The following SORBS2 variants were observed in gnomAD, a reference collection of about 807,000 sequenced individuals.
SORBS2 encodes the protein sorbin and SH3 domain-containing protein 2.
SORBS2 carries 46 observed loss-of-function variants against 97.7 expected under a neutral mutation model. The observed-to-expected ratio is 0.47, with a 90% CI of 0.37 to 0.60. The LOEUF (loss-of-function observed/expected upper bound fraction) is 0.60, where lower values mean the gene tolerates loss of function less well. Ranked by LOEUF, SORBS2 falls within the 20% of genes least tolerant of loss-of-function variation. SORBS2 has a pLI of 0.00. For synonymous variants in SORBS2, 476 were observed against 473.4 expected (o/e 1.01, Z -0.07); for missense variants, 1,316 against 1,282.3 (o/e 1.03, Z -0.40).
chr4:185,667,585 T>C (rs6813020), intron 4 of SORBS2, among the ~76,000 whole-genome samples: 139,765 of 151,336 alleles, frequency 0.92, 64,986 homozygotes, highest in Non-Finnish European at 0.98. Flanking sequence ...CTTAATCTAA[T>C]GGGTTAAGAA....
intron 1 of SORBS2, among the ~76,000 whole-genome samples, chr4:185,942,041 A>C (rs2099272263): frequency 6.6e-6 from 1 of 152,058 alleles, no homozygotes; most frequent in South Asian, 2.1e-4. Flanking sequence ...ACTTGAACCC[A>C]GGAGGCAGAG....
At chr4:185,646,884 T>A (rs1056931976) in intron 3 of SORBS2, 102 bp from the exon 13 acceptor site, 26 of 687,274 alleles carry the variant, frequency 3.8e-5, no homozygotes, top group East Asian at 5.4e-5. Flanking sequence ...AGCATAGTTT[T>A]AAAAAAAATC....
At chr4:185,643,569 C>A (rs1339313324) in intron 4 of SORBS2, among the ~76,000 whole-genome samples, 3 of 152,150 alleles carry the variant, frequency 2.0e-5, no homozygotes, top group African/African-American at 7.2e-5. Flanking sequence ...AATCAGGTGG[C>A]TGTCACTGTA....
At chr4:185,637,956 G>A (rs1339025579) in intron 4 of SORBS2, 123 bp downstream of exon 15, 4 of 694,374 alleles carry the variant, frequency 5.8e-6, no homozygotes, top group African/African-American at 3.5e-5. Flanking sequence ...TACCAAGTGT[G>A]TGTATACATT....
chr4:185,921,635 G>C (rs13140248), intron 1 of SORBS2, among the ~76,000 whole-genome samples: 1 of 151,938 alleles, frequency 6.6e-6, no homozygotes, highest in Non-Finnish European at 1.5e-5. Flanking sequence ...GAAGTAGAAA[G>C]TATATTTCTG....
At chr4:185,638,934 C>A (rs954237870) in intron 4 of SORBS2, 3 of 1,503,964 alleles carry the variant, frequency 2.0e-6, no homozygotes, top group East Asian at 2.8e-5. Flanking sequence ...CACTCCGGGG[C>A]GGAGGGGAGG....
intron 5 of SORBS2, among the ~76,000 whole-genome samples, chr4:185,628,812 C>A (rs182970251): frequency 2.0e-4 from 30 of 152,322 alleles, no homozygotes; most frequent in African/African-American, 5.5e-4. Context: ...AAGATTCCTT[C>A]CCCTCAGTTG....
At chr4:185,868,150 TTTTTC>T (rs2099228145) in intron 1 of SORBS2, among the ~76,000 whole-genome samples, 2 of 75,514 alleles carry the variant, frequency 2.6e-5, no homozygotes. Flanking sequence ...TTCTTTTCTT[TTTTTC>T]TTTCTTTTTT....
At chr4:185,670,277 G>T (rs1438971648) in intron 4 of SORBS2, among the ~76,000 whole-genome samples, 2 of 152,102 alleles carry the variant, frequency 1.3e-5, no homozygotes, top group African/African-American at 4.8e-5. Flanking sequence ...TTAAAATAAT[G>T]TGTGAGTGTT....
In SORBS2 at chr4:185,828,044, C is replaced by T. The variant is rs1217706456; in HGVS notation, c.-337-52678G>A. On this transcript the variant is annotated intron_variant, in intron 1 of 20. Transcript: ENST00000284776. ...CATCATCATCTCATCACCATCATCA[C>T]CATCATCATCCTCTGCATTAGGTTT... Among the ~76,000 whole-genome samples, 15 of 150,726 alleles carry T rather than the reference C, an allele frequency of 1.0e-4. No individual in the cohort carries two copies. In the Admixed American group the frequency reaches 1.0e-3, roughly 10 times the overall value.
Position 185,674,937 on chromosome 4 carries a change from C to G in SORBS2, c.-46+3486G>C, listed in dbSNP as rs902045289. ...AATCTTCTAATATATGTAATTTACT[C>G]CAGTTCTTATTAATGCTTGCTCCTC... On this transcript the variant is annotated intron_variant, in intron 4 of 20. Transcript: ENST00000284776. 7.2e-5 allele frequency among the ~76,000 whole-genome samples: 11 copies of G among 152,138 alleles called. 1 individual carries two copies. Among genetic ancestry groups the G allele is most frequent in the Admixed American group, 3.3e-4 (5 of 15,280 alleles).
intron 2 of SORBS2, 76 bp from the exon 11 acceptor site, chr4:185,651,904 A>C (rs1268218606): frequency 3.9e-6 from 3 of 765,124 alleles, no homozygotes; most frequent in Non-Finnish European, 6.9e-6. Flanking sequence ...ACTTCAGACA[A>C]ACAACAGAAA....
chr4:185,674,652 T>G (rs138269138), intron 4 of SORBS2, among the ~76,000 whole-genome samples: 1 of 152,314 alleles, frequency 6.6e-6, no homozygotes, highest in East Asian at 1.9e-4. Context: ...TCATCTGGTC[T>G]TTGTTACCTC....
intron 1 of SORBS2, among the ~76,000 whole-genome samples, chr4:185,856,303 G>A (rs1320481256): frequency 6.6e-6 from 1 of 152,124 alleles, no homozygotes; most frequent in South Asian, 2.1e-4. Context: ...AACTCATTGA[G>A]TTTTTGCTTC....
chr4:185,613,244 T>C lies in SORBS2; in HGVS notation c.2596-1264A>G, dbSNP rs901146529. 2.6e-5 allele frequency among the ~76,000 whole-genome samples: 4 copies of C among 152,222 alleles called. No homozygotes were observed. The East Asian group carries it at 7.7e-4, about 29-fold the overall frequency. ...CAACAGGGCACCCTTCTTCAGGTGC[T>C]ACCCAAGAAGAACTTCGACCTTGAG... On this transcript the variant is annotated intron_variant, in intron 11 of 14. Transcript: ENST00000418609.
intron 2 of SORBS2, among the ~76,000 whole-genome samples, chr4:185,747,523 T>C (rs192459521): frequency 9.9e-5 from 15 of 150,962 alleles, no homozygotes; most frequent in Non-Finnish European, 2.2e-4. Flanking sequence ...AAGAGCCCCA[T>C]AGAAGACAAG....
chr4:185,892,132 G>A (rs1246005532), intron 1 of SORBS2, among the ~76,000 whole-genome samples: 2 of 152,162 alleles, frequency 1.3e-5, no homozygotes, highest in African/African-American at 4.8e-5. Flanking sequence ...TAGATTGGGT[G>A]CTAAGTTAAT....
chr4:185,745,147 C>T (rs1029529485), intron 2 of SORBS2, among the ~76,000 whole-genome samples: 5 of 151,938 alleles, frequency 3.3e-5, no homozygotes, highest in South Asian at 2.1e-4. Flanking sequence ...TCCATTGCAG[C>T]GGGGGAAGGT....
Position 185,654,495 on chromosome 4 carries a change from G to T in SORBS2, c.25-1767C>A, listed in dbSNP as rs115108880. Among the ~76,000 whole-genome samples the T allele has an allele frequency of 6.4e-3, 973 of 152,090 alleles. 10 individuals are homozygous for T. The highest frequency in any genetic ancestry group is 0.022 in the African/African-American group (900 of 41,468). On this transcript the variant is annotated intron_variant, in intron 1 of 14. Transcript: ENST00000418609. ...CAGACAGGTTTTTTTTTCTTCACTTGCTGGAGGGCCTATATCAGGTAGGAT... is the reference window on the plus strand; with the variant it reads ...CAGACAGGTTTTTTTTTCTTCACTTTCTGGAGGGCCTATATCAGGTAGGAT...
Sources: gnomAD v4.1 joint callset for allele counts (sites outside exome capture counted in the v4.1 genomes callset) on GRCh38, gnomAD v4.1.1 for gene constraint, MANE v1.5 for transcripts, NCBI Gene and HGNC (gene_info 2026-07-23, HGNC 2026-07-21) for gene names.